The following CC2D2A variants were observed in gnomAD, a reference collection of about 807,000 sequenced individuals.
The protein encoded by CC2D2A is coiled-coil and C2 domain-containing protein 2A.
In CC2D2A, 155 loss-of-function variants were observed where a neutral mutation model predicts 212.9. The ratio of observed to expected loss-of-function variants is 0.73; its 90% confidence interval spans 0.64 to 0.83. The LOEUF is 0.83. Ranked by LOEUF, CC2D2A falls within the 40% of genes least tolerant of loss-of-function variation. The pLI is 0.00. For missense variants in CC2D2A, 1,856 were observed against 1,956.2 expected, an observed-to-expected ratio of 0.95 and a Z score of 0.97; for synonymous variants, 667 against 686.5, an observed-to-expected ratio of 0.97 and a Z score of 0.44.
chr4:15,517,626 T>A (rs918048921), intron 11 of CC2D2A, among the ~76,000 whole-genome samples: 2 of 152,196 alleles, frequency 1.3e-5, no homozygotes, highest in Admixed American at 6.5e-5. Context: ...AATGAGGTAA[T>A]CCACATAAGT....
rs934704226 is a variant in CC2D2A, at chr4:15,600,681, C to T, written c.4675-556C>T. On this transcript the variant is annotated intron_variant, in intron 36 of 36. Transcript: ENST00000424120. ...ACTTTGGGAGGCTGAGGCAGCGGAT[C>T]GCTTGAGCCCTGGAGTTCAAGATCA... 2.6e-5 allele frequency among the ~76,000 whole-genome samples: 4 copies of T among 151,980 alleles called. No homozygotes were observed. The South Asian group carries it at 6.2e-4, about 24-fold the overall frequency.
chr4:15,472,011 A>G (rs1287639193), intron 1 of CC2D2A, among the ~76,000 whole-genome samples: 1 of 152,208 alleles, frequency 6.6e-6, no homozygotes, highest in Admixed American at 6.5e-5. Flanking sequence ...CACCAGTGCA[A>G]TGCTTCACAG....
chr4:15,587,875 C>T lies in CC2D2A; in HGVS notation c.4125C>T (p.Tyr1375=). ...EEEHAVLLCN[Y]FLSLGKKAWL... ...AACATGCAGTACTATTGTGTAATTACTTTCTGTCTCTGGGTAAGAAGGCCT... is the reference window on the plus strand; with the variant it reads ...AACATGCAGTACTATTGTGTAATTATTTTCTGTCTCTGGGTAAGAAGGCCT... The change falls in exon 32 of 37, where the codon TAC becomes TAT. Residue 1375 remains tyrosine (Y), a synonymous_variant. Transcript: ENST00000424120. 1 of 1,613,528 alleles carries T rather than the reference C, an allele frequency of 6.2e-7. No homozygotes were observed. The highest frequency in any genetic ancestry group is 1.1e-5 in the South Asian group (1 of 91,054).
At chr4:15,565,268 AAATT>A (rs1475285805) in intron 24 of CC2D2A, among the ~76,000 whole-genome samples, 5 of 152,206 alleles carry the variant, frequency 3.3e-5, no homozygotes, top group Non-Finnish European at 7.3e-5. Flanking sequence ...TTATTCAACT[AAATT>A]AAGGGAGCAT....
chr4:15,583,004 A>C (rs1197694448), intron 30 of CC2D2A, among the ~76,000 whole-genome samples: 1 of 152,164 alleles, frequency 6.6e-6, no homozygotes, highest in Non-Finnish European at 1.5e-5. Flanking sequence ...GTCAAGTGGG[A>C]CTCATTCCAG....
chr4:15,509,970 A>G (rs1716470965), intron 6 of CC2D2A, among the ~76,000 whole-genome samples, 169 bp from the exon 7 acceptor site: 1 of 152,242 alleles, frequency 6.6e-6, no homozygotes, highest in African/African-American at 2.4e-5. Flanking sequence ...GTCGCTATGG[A>G]GCGCATGACT....
At chr4:15,499,014 T>G (rs1159668559) in intron 4 of CC2D2A, among the ~76,000 whole-genome samples, 1 of 152,108 alleles carries the variant, frequency 6.6e-6, no homozygotes, top group Non-Finnish European at 1.5e-5. Context: ...ACAGACCTGA[T>G]TTGGAAATCT....
chr4:15,503,034 T>C (rs2108998976), intron 6 of CC2D2A, 111 bp downstream of exon 6: 1 of 726,846 alleles, frequency 1.4e-6, no homozygotes, highest in South Asian at 1.9e-5. Flanking sequence ...TAAATGCTTA[T>C]TAATAATTAT....
intron 10 of CC2D2A, 114 bp from the exon 11 acceptor site, chr4:15,516,511 A>G: frequency 1.1e-6 from 1 of 952,260 alleles, no homozygotes; most frequent in Non-Finnish European, 1.5e-6. Flanking sequence ...TGGGGGAGGA[A>G]GTACATGAAA....
rs112495035 is a variant in CC2D2A, at chr4:15,498,897, C to T, written c.248-3532C>T. Among the ~76,000 whole-genome samples the T allele has an allele frequency of 2.6e-3, 397 of 152,264 alleles. 1 individual carries two copies. Among genetic ancestry groups the T allele is most frequent in the African/African-American group, 9.3e-3 (385 of 41,548 alleles). Reference sequence around the variant, plus strand: ...ATGGTTCCTTTCTATGTTTTTCCTTCGCTGATCTAATACTACAAAAACCAA... The same window carrying T: ...ATGGTTCCTTTCTATGTTTTTCCTTTGCTGATCTAATACTACAAAAACCAA... On this transcript the variant is annotated intron_variant, in intron 4 of 36. Transcript: ENST00000424120.
At chr4:15,583,171 T>C (rs1390311797) in intron 30 of CC2D2A, among the ~76,000 whole-genome samples, 1 of 152,186 alleles carries the variant, frequency 6.6e-6, no homozygotes, top group East Asian at 1.9e-4. Flanking sequence ...GAATTGGGTA[T>C]AGAAGGAACA....
chr4:15,528,323 T>G (rs1717621879), intron 12 of CC2D2A, among the ~76,000 whole-genome samples: 1 of 152,200 alleles, frequency 6.6e-6, no homozygotes, highest in African/African-American at 2.4e-5. Flanking sequence ...GGAAGAAAAC[T>G]TGGTTCTAAG....
At chr4:15,516,146 T>G in intron 10 of CC2D2A, 142 bp downstream of exon 10, 1 of 713,046 alleles carries the variant, frequency 1.4e-6, no homozygotes, top group Non-Finnish European at 2.0e-6. Flanking sequence ...TTTTTTTTTT[T>G]AACTTTCTCT....
chr4:15,478,595 T>A, intron 2 of CC2D2A, 128 bp from the exon 3 acceptor site: 1 of 657,994 alleles, frequency 1.5e-6, no homozygotes, highest in Non-Finnish European at 2.7e-6. Context: ...TTGTTAACTG[T>A]CCCCCAACTC....
chr4:15,590,551 T>C (rs1721057491), intron 33 of CC2D2A, among the ~76,000 whole-genome samples: 1 of 152,068 alleles, frequency 6.6e-6, no homozygotes, highest in African/African-American at 2.4e-5. Context: ...CTGCCTCAGT[T>C]TAAACTCCAA....
At chr4:15,587,084 T>A (rs1268117742) in intron 31 of CC2D2A, among the ~76,000 whole-genome samples, 3 of 152,234 alleles carry the variant, frequency 2.0e-5, no homozygotes, top group Non-Finnish European at 4.4e-5. Flanking sequence ...AATTTTTCCA[T>A]GGATCAGTCA....
intron 19 of CC2D2A, among the ~76,000 whole-genome samples, chr4:15,554,439 G>A (rs1199089538): frequency 6.6e-6 from 1 of 152,126 alleles, no homozygotes; most frequent in Admixed American, 6.5e-5. Flanking sequence ...TTGGGAGGCC[G>A]AGGCAGGCAG....
intron 20 of CC2D2A, 140 bp downstream of exon 20, chr4:15,555,350 C>A: frequency 9.2e-7 from 1 of 1,082,896 alleles, no homozygotes; most frequent in Non-Finnish European, 1.3e-6. Context: ...AGCTGTGCTT[C>A]TTGCCTGGCT....
intron 7 of CC2D2A, among the ~76,000 whole-genome samples, chr4:15,510,649 C>T (rs931869653): frequency 2.0e-5 from 3 of 152,096 alleles, no homozygotes; most frequent in Non-Finnish European, 4.4e-5. Context: ...TGTTGCCATG[C>T]AGTTTGCAAG....
Sources: allele counts gnomAD v4.1 joint callset (sites outside exome capture counted in the v4.1 genomes callset), GRCh38; gene constraint gnomAD v4.1.1; transcripts MANE v1.5; gene names NCBI Gene and HGNC (gene_info 2026-07-23, HGNC 2026-07-21).